The following BCO1 variants were observed in gnomAD, a reference collection of about 807,000 sequenced individuals.
The protein encoded by BCO1 is beta-carotene oxygenase 1.
BCO1 carries 54 observed loss-of-function variants against 56.3 expected under a neutral mutation model. The observed-to-expected ratio is 0.96, with a 90% CI of 0.77 to 1.20. The LOEUF (loss-of-function observed/expected upper bound fraction) is 1.20, where lower values mean the gene tolerates loss of function less well. BCO1 is among the 50% of genes most tolerant of loss of function. BCO1 has a pLI of 0.00. For synonymous variants in BCO1, 318 were observed against 266.1 expected, an observed-to-expected ratio of 1.20 and a Z score of -1.90; for missense variants, 801 against 690.9, an observed-to-expected ratio of 1.16 and a Z score of -1.79.
intron 2 of BCO1, among the ~76,000 whole-genome samples, chr16:81,258,628 A>G (rs1163319723): frequency 6.6e-6 from 1 of 152,246 alleles, no homozygotes; most frequent in Non-Finnish European, 1.5e-5. Flanking sequence ...GATTCTGGTC[A>G]GCACTCTCAG....
intron 5 of BCO1, among the ~76,000 whole-genome samples, chr16:81,265,740 C>A (rs142591318): frequency 0.01 from 1,529 of 150,936 alleles, 12 homozygotes; most frequent in Middle Eastern, 0.037. Context: ...TGAATCCATT[C>A]ATCCATCTAC....
At chr16:81,267,222 C>A (rs371028384) in intron 5 of BCO1, among the ~76,000 whole-genome samples, 29 of 152,256 alleles carry the variant, frequency 1.9e-4, no homozygotes, top group South Asian at 1.7e-3. Flanking sequence ...AACCCTATGA[C>A]TCTGACCATA....
chr16:81,263,442 T>C (rs560071625), intron 4 of BCO1: 1 of 152,344 alleles, frequency 6.6e-6, no homozygotes, highest in African/African-American at 2.4e-5. Flanking sequence ...CCCACCCCAG[T>C]GCAGTATGAC....
chr16:81,262,387 G>A (rs965681998), intron 4 of BCO1, 104 bp downstream of exon 4: 2 of 1,288,858 alleles, frequency 1.6e-6, no homozygotes, highest in Admixed American at 3.5e-5. Context: ...TACCAGGGGA[G>A]CCCCTCCTCT....
At chr16:81,266,632 C>T (rs911530234) in intron 5 of BCO1, among the ~76,000 whole-genome samples, 2 of 152,114 alleles carry the variant, frequency 1.3e-5, no homozygotes, top group Admixed American at 6.5e-5. Context: ...GAATGCCATA[C>T]CTGGGGATTG....
chr16:81,272,444 A>T lies in BCO1; in HGVS notation c.1101+2028A>T, dbSNP rs117640353. On this transcript the variant is annotated intron_variant, in intron 7 of 10. Coordinates refer to ENST00000258168, the MANE Select transcript of BCO1 (RefSeq NM_017429.3). ...AGACTGCTTTTCTACCTATTTATGT[A>T]TCGAAACATCTCTCCATGACATTAA... Among the ~76,000 whole-genome samples the T allele has an allele frequency of 7.3e-3, 1,115 of 152,298 alleles. 7 individuals are homozygous for T. The highest frequency in any genetic ancestry group is 0.013 in the Non-Finnish European group (879 of 68,016).
At chr16:81,253,275 C>T (rs1905923294) in intron 2 of BCO1, among the ~76,000 whole-genome samples, 1 of 152,172 alleles carries the variant, frequency 6.6e-6, no homozygotes, top group African/African-American at 2.4e-5. Flanking sequence ...ATCACTCTGT[C>T]TACTGCATCT....
chr16:81,260,656 C>A (rs998386024), intron 3 of BCO1, among the ~76,000 whole-genome samples: 1 of 152,068 alleles, frequency 6.6e-6, no homozygotes, highest in Non-Finnish European at 1.5e-5. Flanking sequence ...TTACAGGCAC[C>A]CACCACCACG....
intron 7 of BCO1, among the ~76,000 whole-genome samples, chr16:81,277,717 C>G (rs1038282422): frequency 6.6e-6 from 1 of 152,134 alleles, no homozygotes; most frequent in Non-Finnish European, 1.5e-5. Flanking sequence ...CCTTAAGTGT[C>G]GGGATTTCAA....
intron 2 of BCO1, among the ~76,000 whole-genome samples, chr16:81,256,866 CGA>C (rs1906169141): frequency 6.6e-6 from 1 of 151,526 alleles, no homozygotes. Context: ...CCAGCCTGGG[CGA>C]CAGAGTGACT....
At chr16:81,270,971 C>A (rs1457886186) in intron 7 of BCO1, among the ~76,000 whole-genome samples, 1 of 152,058 alleles carries the variant, frequency 6.6e-6, no homozygotes, top group Non-Finnish European at 1.5e-5. Flanking sequence ...GTCTGGATCT[C>A]CCGACCTCGT....
At chr16:81,251,146 G>A (rs1372298377) in intron 2 of BCO1, among the ~76,000 whole-genome samples, 1 of 152,020 alleles carries the variant, frequency 6.6e-6, no homozygotes, top group Non-Finnish European at 1.5e-5. Context: ...GTAGATGCAG[G>A]TTAGGTGCTT....
chr16:81,271,381 C>T (rs928031222), intron 7 of BCO1, among the ~76,000 whole-genome samples: 53 of 152,198 alleles, frequency 3.5e-4, no homozygotes, highest in African/African-American at 1.2e-3. Flanking sequence ...TCCCAAAGAG[C>T]TGAGATTACA....
intron 1 of BCO1, among the ~76,000 whole-genome samples, chr16:81,241,663 C>A (rs6564852): frequency 0.33 from 49,714 of 152,096 alleles, 8,260 homozygotes; most frequent in East Asian, 0.37. Context: ...CATCAAGCCT[C>A]CCTATTGACA....
At chr16:81,268,847 C>T (rs1906999541) in intron 6 of BCO1, among the ~76,000 whole-genome samples, 1 of 151,968 alleles carries the variant, frequency 6.6e-6, no homozygotes, top group South Asian at 2.1e-4. Flanking sequence ...GGTACAATCA[C>T]AGCTCAGTGC....
chr16:81,276,790 G>A (rs888583808), intron 7 of BCO1, among the ~76,000 whole-genome samples: 1 of 152,088 alleles, frequency 6.6e-6, no homozygotes, highest in African/African-American at 2.4e-5. Context: ...TTTAAGGCCA[G>A]GCATGGTGGC....
intron 2 of BCO1, among the ~76,000 whole-genome samples, chr16:81,257,858 T>G (rs1597354822): frequency 6.9e-6 from 1 of 144,122 alleles, no homozygotes; most frequent in Admixed American, 7.1e-5. Context: ...CCAGCCTGGG[T>G]GACAGAGTGA....
chr16:81,249,929 G>A (rs931663245), intron 2 of BCO1, among the ~76,000 whole-genome samples: 1 of 152,162 alleles, frequency 6.6e-6, no homozygotes, highest in African/African-American at 2.4e-5. Context: ...ATCTAGCATG[G>A]GGCCTGGCCC....
Position 81,285,587 on chromosome 16 carries a change from C to G in BCO1, c.1255C>G (p.Arg419Gly). 1 of 1,613,818 alleles carries G rather than the reference C, an allele frequency of 6.2e-7. No individual in the cohort carries two copies. Among genetic ancestry groups the G allele is most frequent in the Non-Finnish European group, 8.5e-7 (1 of 1,179,704 alleles). The change falls in exon 9 of 11, where the codon CGA becomes GGA. Residue 419 changes from arginine to glycine, a missense_variant. Arg to Gly is a moderately radical substitution (Grantham distance 125, BLOSUM62 -2). Coordinates refer to ENST00000258168, the MANE Select transcript of BCO1 (RefSeq NM_017429.3). ...TTATGCTCACAATGGAAAGCAATAC[C>G]GATATGTCTTTGCTACAGGAGTTCA... ...VNYAHNGKQY[R>G]YVFATGVQWS...
Sources: allele counts gnomAD v4.1 joint callset (sites outside exome capture counted in the v4.1 genomes callset), GRCh38; gene constraint gnomAD v4.1.1; transcripts MANE v1.5; gene names NCBI Gene and HGNC (gene_info 2026-07-23, HGNC 2026-07-21).